PTPRR: variants seen among roughly 807,000 people sequenced by gnomAD.
PTPRR encodes the protein protein tyrosine phosphatase receptor type R.
Under a neutral mutation model 77.2 loss-of-function variants are expected in PTPRR, and 38 were observed. The observed-to-expected ratio is 0.49, with a 90% CI of 0.38 to 0.65. The LOEUF (loss-of-function observed/expected upper bound fraction) is 0.65, where lower values mean the gene tolerates loss of function less well. Among genes scored for constraint, PTPRR ranks in the 30% least tolerant of loss-of-function variants. The probability of loss-of-function intolerance (pLI) is 0.00; values close to 1 mark genes in which losing one functional copy is unlikely to be tolerated. For synonymous variants in PTPRR, 299 were observed against 283.1 expected (o/e 1.06, Z -0.57); for missense variants, 744 against 799.2 (o/e 0.93, Z 0.83).
intron 2 of PTPRR, among the ~76,000 whole-genome samples, chr12:70,844,928 C>G (rs541156492): frequency 6.6e-6 from 1 of 151,942 alleles, no homozygotes; most frequent in African/African-American, 2.4e-5. Flanking sequence ...ACAACAATAA[C>G]AAAAATAATA....
intron 5 of PTPRR, among the ~76,000 whole-genome samples, chr12:70,753,462 A>C (rs1890467447): frequency 1.3e-5 from 2 of 152,138 alleles, no homozygotes; most frequent in South Asian, 4.1e-4. Context: ...TACATCTTGA[A>C]ATTTTCAAAT....
At chr12:70,776,157 T>C (rs1386243335) in intron 2 of PTPRR, among the ~76,000 whole-genome samples, 1 of 152,132 alleles carries the variant, frequency 6.6e-6, no homozygotes, top group Admixed American at 6.6e-5. Context: ...TCTTTCTACA[T>C]TCACATAATG....
At chr12:70,770,364 C>G (rs1890942336) in intron 2 of PTPRR, among the ~76,000 whole-genome samples, 1 of 152,156 alleles carries the variant, frequency 6.6e-6, no homozygotes, top group Non-Finnish European at 1.5e-5. Context: ...TGAACAGACA[C>G]TTCTCGAAAG....
chr12:70,641,615 TG>T (rs1322309244), intron 13 of PTPRR, among the ~76,000 whole-genome samples: 2 of 152,184 alleles, frequency 1.3e-5, no homozygotes, highest in Non-Finnish European at 2.9e-5. Flanking sequence ...GGAAAGTATA[TG>T]AAAAGTTCTC....
chr12:70,832,743 A>G (rs1892236440), intron 2 of PTPRR, among the ~76,000 whole-genome samples: 1 of 152,084 alleles, frequency 6.6e-6, no homozygotes, highest in African/African-American at 2.4e-5. Flanking sequence ...AATACCTGAG[A>G]CTGGGTAATT....
chr12:70,876,449 G>A (rs568610799), intron 2 of PTPRR, among the ~76,000 whole-genome samples: 17 of 152,024 alleles, frequency 1.1e-4, no homozygotes, highest in Non-Finnish European at 2.4e-4. Context: ...ATATACAAAC[G>A]TGAAAATTAT....
At chr12:70,761,329 G>A in intron 4 of PTPRR, 142 bp downstream of exon 4, 1 of 729,776 alleles carries the variant, frequency 1.4e-6, no homozygotes. Flanking sequence ...GTAAAGATCA[G>A]AGAATTCTGA....
intron 2 of PTPRR, among the ~76,000 whole-genome samples, chr12:70,828,355 G>GA (rs1456495565): frequency 2.0e-5 from 3 of 152,182 alleles, no homozygotes; most frequent in Middle Eastern, 6.8e-3. Flanking sequence ...TTGTCTTACA[G>GA]AAAAAACACA....
intron 2 of PTPRR, among the ~76,000 whole-genome samples, chr12:70,782,583 A>G (rs11178415): frequency 0.37 from 56,596 of 151,748 alleles, 12,862 homozygotes; most frequent in African/African-American, 0.64. Context: ...GCAAACTATC[A>G]CAAGGACAAA....
In PTPRR at chr12:70,698,126, G is replaced by T. The variant is rs1156617153; in HGVS notation, c.1279+139C>A. 1.3e-5 allele frequency: 7 copies of T among 553,978 alleles called. No individual in the cohort carries two copies. In the African/African-American group the frequency reaches 1.3e-4, roughly 10 times the overall value. 34.3% of individuals were successfully genotyped at this position (553,978 alleles called of 1,614,324 possible). A position where few individuals can be genotyped will look rare whatever the true frequency, so the allele number is the denominator to read the frequency against. On this transcript the variant is annotated intron_variant, in intron 8 of 13. Coordinates refer to ENST00000283228, the MANE Select transcript of PTPRR (RefSeq NM_002849.4). ...ATACATGTGCAGAATGTGCAGGTTT[G>T]TTACATAGGTATACATGTGCCATTG...
chr12:70,774,506 T>G (rs1891048741), intron 2 of PTPRR, among the ~76,000 whole-genome samples: 2 of 152,140 alleles, frequency 1.3e-5, no homozygotes, highest in Admixed American at 1.3e-4. Flanking sequence ...AAACAGAAAT[T>G]TAGACTACCC....
chr12:70,672,171 G>A (rs917638821), intron 10 of PTPRR: 2 of 1,524,140 alleles, frequency 1.3e-6, no homozygotes, highest in Non-Finnish European at 1.8e-6. Flanking sequence ...AGAGCCTTGG[G>A]TGCCCAGTTG....
At chr12:70,790,879 A>C (rs550930590) in intron 2 of PTPRR, among the ~76,000 whole-genome samples, 183 of 152,100 alleles carry the variant, frequency 1.2e-3, no homozygotes, top group Non-Finnish European at 4.0e-4. Flanking sequence ...AAAACAAAAA[A>C]ACCAGCCATC....
intron 2 of PTPRR, among the ~76,000 whole-genome samples, chr12:70,854,908 T>C (rs1318259068): frequency 6.6e-6 from 1 of 152,210 alleles, no homozygotes; most frequent in Non-Finnish European, 1.5e-5. Flanking sequence ...AAATATTAGC[T>C]GCTATTTTTA....
chr12:70,714,397 T>C (rs1355537154), intron 6 of PTPRR, among the ~76,000 whole-genome samples: 1 of 152,170 alleles, frequency 6.6e-6, no homozygotes, highest in Non-Finnish European at 1.5e-5. Context: ...CTCACCACAA[T>C]TTGGGTTATG....
chr12:70,676,798 G>A (rs1229474157), intron 10 of PTPRR, among the ~76,000 whole-genome samples: 1 of 147,328 alleles, frequency 6.8e-6, no homozygotes, highest in African/African-American at 2.5e-5. Context: ...CCAATATCAT[G>A]TTGCTTTCGA....
At chr12:70,779,010 T>C (rs1239569489) in intron 2 of PTPRR, among the ~76,000 whole-genome samples, 2 of 152,130 alleles carry the variant, frequency 1.3e-5, no homozygotes, top group Non-Finnish European at 2.9e-5. Context: ...CACACCCAGC[T>C]AATTTTTTTG....
chr12:70,771,997 A>T (rs1890988454), intron 2 of PTPRR, among the ~76,000 whole-genome samples: 1 of 152,138 alleles, frequency 6.6e-6, no homozygotes, highest in African/African-American at 2.4e-5. Context: ...AGAATTCCTA[A>T]AATAAAATCA....
chr12:70,822,044 C>A (rs751298096), intron 2 of PTPRR, among the ~76,000 whole-genome samples: 21 of 152,200 alleles, frequency 1.4e-4, no homozygotes, highest in Non-Finnish European at 3.1e-4. Flanking sequence ...ATTCCAAATG[C>A]TGGTAGAAAG....
Sources: gnomAD v4.1 joint callset for allele counts (sites outside exome capture counted in the v4.1 genomes callset) on GRCh38, gnomAD v4.1.1 for gene constraint, MANE v1.5 for transcripts, NCBI Gene and HGNC (gene_info 2026-07-23, HGNC 2026-07-21) for gene names.